The following VEZF1 variants were observed in gnomAD, a reference collection of about 807,000 sequenced individuals.
The protein encoded by VEZF1 is vascular endothelial zinc finger 1, also known as putative transcription factor DB1.
In VEZF1, 5 loss-of-function variants were observed where a neutral mutation model predicts 44.1. The observed-to-expected ratio is 0.11, with a 90% CI of 0.06 to 0.24. The LOEUF (loss-of-function observed/expected upper bound fraction) is 0.24, where lower values mean the gene tolerates loss of function less well. VEZF1 is among the 10% of genes least tolerant of loss of function. The pLI, the probability that VEZF1 is intolerant of heterozygous loss-of-function variation, is 1.00. For missense variants in VEZF1, 358 were observed against 641.8 expected (o/e 0.56, Z 4.78); for synonymous variants, 236 against 233.1 (o/e 1.01, Z -0.11).
rs149063858 is a variant in VEZF1 at position 57,983,894 on chromosome 17, G to A, written c.34-501C>T. On this transcript the variant is annotated intron_variant, in intron 1 of 5. Coordinates refer to ENST00000581208, the MANE Select transcript of VEZF1 (RefSeq NM_007146.3). ...ATCAGAAAACTCAGATTGAGGAAGGGGCTGTTGCTAAGTGATGAAAGAAAT... is the reference window on the plus strand; with the variant it reads ...ATCAGAAAACTCAGATTGAGGAAGGAGCTGTTGCTAAGTGATGAAAGAAAT... 1.6e-4 allele frequency among the ~76,000 whole-genome samples: 25 copies of A among 152,294 alleles called. 1 individual carries two copies. In the East Asian group the frequency reaches 4.8e-3, roughly 29 times the overall value.
At position 57,978,080 on chromosome 17, in the gene VEZF1, G is replaced by A. The variant is rs193010742; in HGVS notation, c.1138+1072C>T. Among the ~76,000 whole-genome samples, 12 of 152,068 alleles carry A rather than the reference G, an allele frequency of 7.9e-5. No individual in the cohort carries two copies. In the East Asian group the frequency reaches 1.9e-3, roughly 25 times the overall value. Reference sequence around the variant, plus strand: ...TAGTCGGGTGTGGTGGCACACACCTGTCGTCCTGGCTACCCGGGAGGCTGA... The same window carrying A: ...TAGTCGGGTGTGGTGGCACACACCTATCGTCCTGGCTACCCGGGAGGCTGA... On this transcript the variant is annotated intron_variant, in intron 5 of 5. Coordinates refer to ENST00000581208, the MANE Select transcript of VEZF1 (RefSeq NM_007146.3).
chr17:57,983,413 C>T lies in VEZF1; in HGVS notation c.34-20G>A, dbSNP rs187466344. 3.8e-6 allele frequency: 6 copies of T among 1,572,472 alleles called. No individual in the cohort carries two copies. The East Asian group carries it at 1.1e-4, about 29-fold the overall frequency. On this transcript the variant is annotated intron_variant, in intron 1 of 5. Coordinates refer to ENST00000581208, the MANE Select transcript of VEZF1 (RefSeq NM_007146.3). ...ATGGGCCTAAAACCAAACATTTACACTTCAGAAACTCAGCCTCTCACAATG... is the reference window on the plus strand; with the variant it reads ...ATGGGCCTAAAACCAAACATTTACATTTCAGAAACTCAGCCTCTCACAATG...
Position 57,977,044 on chromosome 17 carries a change from T to A in VEZF1, c.1138+2108A>T, listed in dbSNP as rs114742673. On this transcript the variant is annotated intron_variant, in intron 5 of 5. Transcript: ENST00000581208. ...TTCATAATATACTTTCAACCCACTA[T>A]ACAATTATCACAGCACTACACTTTT... Among the ~76,000 whole-genome samples the A allele has an allele frequency of 3.6e-3, 551 of 152,316 alleles. 6 individuals are homozygous for A. The highest frequency in any genetic ancestry group is 0.013 in the African/African-American group (521 of 41,556).
In VEZF1 at chr17:57,973,700, T is replaced by C. The variant is rs1199779710; in HGVS notation, c.*773A>G. On this transcript the variant is annotated 3_prime_UTR_variant, in exon 6 of 6. Coordinates refer to ENST00000581208, the MANE Select transcript of VEZF1 (RefSeq NM_007146.3). ...ACACACTTGACTTCTCCTCTGTCAG[T>C]TGAGGCTTTTCTTAGCAAAACACAA... The C allele has an allele frequency of 2.0e-5, 3 of 152,308 alleles. No individual in the cohort carries two copies. Among genetic ancestry groups the C allele is most frequent in the African/African-American group, 4.8e-5 (2 of 41,462 alleles). 9.4% of individuals were successfully genotyped at this position (152,308 alleles called of 1,614,324 possible).
intron 2 of VEZF1, 110 bp downstream of exon 2, chr17:57,982,589 C>T (rs775517091): frequency 8.6e-6 from 9 of 1,047,894 alleles, no homozygotes; most frequent in Non-Finnish European, 1.2e-5. Context: ...TCTAATAACA[C>T]AGGTCTGCCC....
chr17:57,978,974 A>G (rs1598045339), intron 5 of VEZF1, among the ~76,000 whole-genome samples, 178 bp downstream of exon 5: 1 of 152,252 alleles, frequency 6.6e-6, no homozygotes, highest in Non-Finnish European at 1.5e-5. Context: ...GTAATAACTT[A>G]TCTGGACACT....
At chr17:57,977,290 G>T (rs1025318310) in intron 5 of VEZF1, among the ~76,000 whole-genome samples, 14 of 151,762 alleles carry the variant, frequency 9.2e-5, no homozygotes, top group African/African-American at 2.2e-4. Flanking sequence ...CTAATTTTTT[G>T]TTGTTGTTGT....
intron 3 of VEZF1, 76 bp from the exon 4 acceptor site, chr17:57,980,862 G>A (rs2143348770): frequency 6.9e-7 from 1 of 1,449,618 alleles, no homozygotes; most frequent in East Asian, 2.4e-5. Flanking sequence ...TATATTCTGT[G>A]CATTACCCTA....
chr17:57,986,237 A>G (rs2075292416), intron 1 of VEZF1: 1 of 152,244 alleles, frequency 6.6e-6, no homozygotes, highest in Non-Finnish European at 1.5e-5. Context: ...AATCTTTAAA[A>G]AAGTATTTCA....
chr17:57,986,132 A>G (rs1182528102), intron 1 of VEZF1: 1 of 152,234 alleles, frequency 6.6e-6, no homozygotes, highest in Admixed American at 6.5e-5. Context: ...GGTGGAAAAA[A>G]AGATTTTAAT....
intron 1 of VEZF1, among the ~76,000 whole-genome samples, chr17:57,984,185 A>G (rs2075275515): frequency 1.3e-5 from 2 of 152,234 alleles, no homozygotes; most frequent in South Asian, 4.1e-4. Context: ...AATTCCTTTC[A>G]TATTCATCTT....
chr17:57,985,374 C>G lies in VEZF1; in HGVS notation c.34-1981G>C. The stretch of plus-strand genomic sequence containing the variant: ...CTTCTTGGGTGAAATGCTGCAGAAC[C>G]ACTACAGGAATCACTCTCTGAGGAT... On this transcript the variant is annotated intron_variant, in intron 1 of 5. Transcript: ENST00000581208. 3 of 1,229,558 alleles carry G rather than the reference C, an allele frequency of 2.4e-6. 1 individual carries two copies. Among genetic ancestry groups the G allele is most frequent in the Non-Finnish European group, 3.0e-6 (3 of 986,644 alleles). The allele number at this position is 1,229,558 out of a possible 1,614,324, so 76.2% of individuals were successfully genotyped here.
intron 1 of VEZF1, chr17:57,986,177 A>T (rs186397282): frequency 1.3e-5 from 2 of 152,370 alleles, no homozygotes; most frequent in East Asian, 1.9e-4. Flanking sequence ...AAATCTAATT[A>T]AAAAGTTGAT....
At chr17:57,987,781 C>T (rs2075312764) in intron 1 of VEZF1, among the ~76,000 whole-genome samples, 1 of 151,928 alleles carries the variant, frequency 6.6e-6, no homozygotes. Context: ...GGCCTCCTCC[C>T]TTCCCCTTCA....
intron 4 of VEZF1, among the ~76,000 whole-genome samples, chr17:57,979,985 A>AC (rs1451553912): frequency 6.7e-6 from 1 of 149,622 alleles, no homozygotes; most frequent in East Asian, 1.9e-4. Context: ...AAAAAAAAAA[A>AC]AAAAAACAAA....
At chr17:57,981,771 TG>T (rs2143353019) in intron 3 of VEZF1, 101 bp downstream of exon 3, 1 of 1,086,484 alleles carries the variant, frequency 9.2e-7, no homozygotes, top group African/African-American at 1.6e-5. Flanking sequence ...CTCAGGTCAG[TG>T]ATTTTAAGAC....
chr17:57,987,739 T>C lies in VEZF1; in HGVS notation c.33+340A>G, dbSNP rs1021347360. On this transcript the variant is annotated intron_variant, in intron 1 of 5. Coordinates refer to ENST00000581208, the MANE Select transcript of VEZF1 (RefSeq NM_007146.3). ...GCTATCCAGCGGCCCGGCGCCCTCC[T>C]TTCTCTGGGCCGCGGGGTGGTGACA... 4.8e-4 allele frequency among the ~76,000 whole-genome samples: 73 copies of C among 151,982 alleles called. 1 individual carries two copies. Among genetic ancestry groups the C allele is most frequent in the African/African-American group, 1.6e-3 (68 of 41,474 alleles).
At chr17:57,980,221 A>G (rs2143345286) in intron 4 of VEZF1, among the ~76,000 whole-genome samples, 1 of 152,310 alleles carries the variant, frequency 6.6e-6, no homozygotes, top group East Asian at 1.9e-4. Flanking sequence ...GCCTTCTTCT[A>G]GTGGTTAGGG....
At chr17:57,979,383 C>T in intron 4 of VEZF1, 70 bp from the exon 5 acceptor site, 1 of 1,585,880 alleles carries the variant, frequency 6.3e-7, no homozygotes, top group South Asian at 1.1e-5. Context: ...TCAAAATTGA[C>T]TTCTCATGCT....
Sources: gnomAD v4.1 joint callset for allele counts (sites outside exome capture counted in the v4.1 genomes callset) on GRCh38, gnomAD v4.1.1 for gene constraint, MANE v1.5 for transcripts, NCBI Gene and HGNC (gene_info 2026-07-23, HGNC 2026-07-21) for gene names.